KLHDC2: variants seen among roughly 807,000 people sequenced by gnomAD.
KLHDC2 encodes the protein kelch domain containing 2.
A neutral mutation model predicts 62.3 loss-of-function variants in KLHDC2; 38 were observed. The observed-to-expected ratio is 0.61, with a 90% confidence interval of 0.47 to 0.80. The LOEUF is 0.80. Ranked by LOEUF, KLHDC2 falls within the 30% of genes least tolerant of loss-of-function variation. KLHDC2 has a pLI of 0.00. For missense variants in KLHDC2, 430 were observed against 495.3 expected, an observed-to-expected ratio of 0.87 and a Z score of 1.25; for synonymous variants, 159 against 161.0, an observed-to-expected ratio of 0.99 and a Z score of 0.09.
At position 49,782,432 on chromosome 14, in the gene KLHDC2, A is replaced by G. The variant is rs745327119; in HGVS notation, c.1019A>G (p.Asn340Ser). The G allele has an allele frequency of 6.2e-7, 1 of 1,612,366 alleles. No individual in the cohort carries two copies. Among genetic ancestry groups the G allele is most frequent in the South Asian group, 1.1e-5 (1 of 91,030 alleles). ...GTAATTGTTTTTGGTGGATGTGCCA[A>G]CAACTTGCTTGTCCATCACAGAGCT... ...GEVIVFGGCA[N>S]NLLVHHRAAH... The change falls in exon 11 of 13, where the codon AAC becomes AGC. Residue 340 changes from asparagine (N) to serine (S), a missense_variant. Asn to Ser is a conservative substitution (Grantham distance 46). Coordinates refer to ENST00000298307, the MANE Select transcript of KLHDC2 (RefSeq NM_014315.3).
intron 3 of KLHDC2, among the ~76,000 whole-genome samples, chr14:49,775,141 G>A (rs1458533515): frequency 1.3e-5 from 2 of 152,148 alleles, no homozygotes; most frequent in Non-Finnish European, 2.9e-5. Flanking sequence ...AGACTTTGCC[G>A]TATTTTGTTC....
chr14:49,773,836 A>G (rs1269190387), intron 2 of KLHDC2, among the ~76,000 whole-genome samples: 1 of 152,222 alleles, frequency 6.6e-6, no homozygotes, highest in African/African-American at 2.4e-5. Context: ...TCAGCCTCCC[A>G]AAGTGCTGGG....
At position 49,782,472 on chromosome 14, in the gene KLHDC2, T is replaced by G. The variant is rs1466844496; in HGVS notation, c.1044+15T>G. 3 of 1,603,310 alleles carry G rather than the reference T, an allele frequency of 1.9e-6. 1 individual carries two copies. The South Asian group carries it at 3.3e-5, about 18-fold the overall frequency. On this transcript the variant is annotated intron_variant, in intron 11 of 12. Coordinates refer to ENST00000298307, the MANE Select transcript of KLHDC2 (RefSeq NM_014315.3). ...ATCACAGAGCTGTAAGTATACTACCTTCACATTATTACTGAAACTTACTTG... is the reference window on the plus strand; with the variant it reads ...ATCACAGAGCTGTAAGTATACTACCGTCACATTATTACTGAAACTTACTTG...
chr14:49,771,588 T>A lies in KLHDC2; in HGVS notation c.154-6T>A. 1 of 1,306,876 alleles carries A rather than the reference T, an allele frequency of 7.7e-7. No individual in the cohort carries two copies. The highest frequency in any genetic ancestry group is 1.1e-6 in the Non-Finnish European group (1 of 905,820). The allele number at this position is 1,306,876 out of a possible 1,614,324, so 81.0% of individuals were successfully genotyped here. On this transcript the variant is annotated splice_region_variant and splice_polypyrimidine_tract_variant and intron_variant, in intron 1 of 12. Coordinates refer to ENST00000298307, the MANE Select transcript of KLHDC2 (RefSeq NM_014315.3). ...TTTTTATATTTACAATTTTTTTTAT[T>A]CTTAGAGTAATCAAGTCAGAGGATT...
Position 49,778,211 on chromosome 14 carries a change from T to G in KLHDC2, c.501T>G (p.Pro167=), listed in dbSNP as rs140863624. Residue 167 remains proline, a synonymous_variant, in exon 5 of 13, where the codon CCT becomes CCG. Transcript: ENST00000298307. The part of the protein sequence containing the change: ...LIFFGGYGYL[P]EDKVLGTFEF... Reference sequence around the variant, plus strand: ...TTTTTGGAGGGTATGGATATTTGCCTGAAGATAAAGTATTGGGAACTTTTG... The same window carrying G: ...TTTTTGGAGGGTATGGATATTTGCCGGAAGATAAAGTATTGGGAACTTTTG... The G allele has an allele frequency of 1.7e-4, 271 of 1,608,604 alleles. No individual in the cohort carries two copies. The African/African-American group carries it at 3.2e-3, about 19-fold the overall frequency.
chr14:49,781,369 CAA>C (rs1555343492), intron 10 of KLHDC2, among the ~76,000 whole-genome samples: 2 of 124,670 alleles, frequency 1.6e-5, no homozygotes, highest in African/African-American at 3.1e-5. Flanking sequence ...AACTCTGTCT[CAA>C]AAAAAAAAAA....
At chr14:49,775,297 T>C (rs1357497890) in intron 3 of KLHDC2, among the ~76,000 whole-genome samples, 1 of 152,226 alleles carries the variant, frequency 6.6e-6, no homozygotes, top group Non-Finnish European at 1.5e-5. Flanking sequence ...GTTGGCAACT[T>C]AGTAAGCACT....
At position 49,786,097 on chromosome 14, in the gene KLHDC2, G is replaced by A. The variant is rs995965464; in HGVS notation, c.*3144G>A. 2 of 152,646 alleles carry A rather than the reference G, an allele frequency of 1.3e-5. No homozygotes were observed. Among genetic ancestry groups the A allele is most frequent in the Admixed American group, 6.5e-5 (1 of 15,326 alleles). 9.5% of individuals were successfully genotyped at this position (152,646 alleles called of 1,614,324 possible). On this transcript the variant is annotated 3_prime_UTR_variant, in exon 13 of 13. Transcript: ENST00000298307. ...TGGGCAATGTCTAGAGATAGTTTTC[G>A]TTGACACGATGAGGGGTGAGAAGGA...
rs374009933 is a variant in KLHDC2, at chr14:49,785,268, A to C, written c.*2315A>C. The C allele has an allele frequency of 8.1e-6, 13 of 1,613,980 alleles. No individual in the cohort carries two copies. In the African/African-American group the frequency reaches 1.6e-4, roughly 20 times the overall value. ...AGGGGCACATATTGGAATGGCAAAC[A>C]GTAGTACATCTTCAGGATGTGGCTG... On this transcript the variant is annotated 3_prime_UTR_variant, in exon 13 of 13. Coordinates refer to ENST00000298307, the MANE Select transcript of KLHDC2 (RefSeq NM_014315.3).
chr14:49,774,743 A>G (rs575058727), intron 3 of KLHDC2, 65 bp downstream of exon 3: 18 of 965,634 alleles, frequency 1.9e-5, no homozygotes, highest in African/African-American at 8.0e-5. Flanking sequence ...AACAACTGCA[A>G]ATTTCTAAGG....
chr14:49,773,867 C>T (rs995279592), intron 2 of KLHDC2, among the ~76,000 whole-genome samples: 13 of 151,974 alleles, frequency 8.6e-5, no homozygotes, highest in Non-Finnish European at 1.6e-4. Context: ...TGAGCCACCG[C>T]GCCCAGCCAA....
intron 8 of KLHDC2, 69 bp from the exon 9 acceptor site, chr14:49,780,144 T>G: frequency 9.6e-7 from 1 of 1,041,004 alleles, no homozygotes. Flanking sequence ...ATATAAATTT[T>G]AAAAGAAAAC....
intron 3 of KLHDC2, among the ~76,000 whole-genome samples, chr14:49,777,061 T>A (rs1889788362): frequency 6.6e-6 from 1 of 152,030 alleles, no homozygotes. Context: ...GGAATACTAC[T>A]CCGCCATAAG....
In KLHDC2 at chr14:49,782,835, G is replaced by C; in HGVS notation, c.1103G>C (p.Ser368Thr). 6.2e-7 allele frequency: 1 copy of C among 1,613,578 alleles called. No homozygotes were observed. The highest frequency in any genetic ancestry group is 8.5e-7 in the Non-Finnish European group (1 of 1,179,812). The change falls in exon 13 of 13, where the codon AGC becomes ACC. Residue 368 changes from serine (S) to threonine (T), a missense_variant. Transcript: ENST00000298307. ...SVQPKSLVRL[S>T]LEAVICFKEM... ...CTTTCCTTGTCCACTTTCAGGCTAA[G>C]CTTAGAAGCAGTCATTTGCTTTAAA... is the stretch of plus-strand genomic sequence containing the variant.
Position 49,768,512 on chromosome 14 carries a change from G to GC in KLHDC2, c.44_45insC (p.Pro16AlafsTer7), listed in dbSNP as rs1566631273. 1 of 1,610,470 alleles carries GC rather than the reference G, an allele frequency of 6.2e-7. No individual in the cohort carries two copies. Among genetic ancestry groups the GC allele is most frequent in the East Asian group, 2.2e-5 (1 of 44,510 alleles). On this transcript the variant is annotated frameshift_variant, in exon 1 of 13. Transcript: ENST00000298307. LOFTEE classifies it high-confidence loss of function. The stretch of plus-strand genomic sequence containing the variant: ...GATCTGCGGGCTGACGACTTGCCTG[G>GC]GCCAGCCTTCGAGAGCTATGAGTCC...
intron 9 of KLHDC2, 169 bp downstream of exon 9, chr14:49,780,491 T>C: frequency 1.6e-6 from 1 of 639,104 alleles, no homozygotes; most frequent in East Asian, 2.7e-5. Flanking sequence ...GGCATACTTC[T>C]GTTCAATAAA....
At chr14:49,774,822 T>G in intron 3 of KLHDC2, 144 bp downstream of exon 3, 1 of 710,226 alleles carries the variant, frequency 1.4e-6, no homozygotes, top group Non-Finnish European at 2.5e-6. Flanking sequence ...AATGTGCATT[T>G]TAGTATTTTG....
chr14:49,770,238 G>A (rs1212584747), intron 1 of KLHDC2, among the ~76,000 whole-genome samples: 2 of 152,174 alleles, frequency 1.3e-5, no homozygotes, highest in African/African-American at 4.8e-5. Context: ...TTCTGAAACA[G>A]ACTGCCCTCC....
rs768022208 is a variant in KLHDC2, at chr14:49,783,153, T to TTAAAG, written c.*209_*213dup. ...ATTTAACACCAGTAGCTGTCCTCTA[T>TTAAAG]TAAAGTAAAGTAATGGTTGGGCTTT... On this transcript the variant is annotated 3_prime_UTR_variant, in exon 13 of 13. Transcript: ENST00000298307. The TTAAAG allele has an allele frequency of 1.7e-5, 7 of 408,164 alleles. No homozygotes were observed. The highest frequency in any genetic ancestry group is 4.0e-5 in the East Asian group (1 of 25,264). 25.3% of individuals were successfully genotyped at this position (408,164 alleles called of 1,614,324 possible). A position where few individuals can be genotyped will look rare whatever the true frequency, so the allele number is the denominator to read the frequency against.
Sources: allele counts gnomAD v4.1 joint callset (sites outside exome capture counted in the v4.1 genomes callset), GRCh38; gene constraint gnomAD v4.1.1; transcripts MANE v1.5; gene names NCBI Gene and HGNC (gene_info 2026-07-23, HGNC 2026-07-21).